TRMT9B: variants seen among roughly 807,000 people sequenced by gnomAD.
The protein encoded by TRMT9B is probable tRNA methyltransferase 9B.
In TRMT9B, 16 loss-of-function variants were observed where a neutral mutation model predicts 11.5. That is an observed-to-expected ratio of 1.39 (90% CI 0.94 to 2.11). The LOEUF is 2.11. Ranked by LOEUF, TRMT9B falls within the 30% of genes most tolerant of loss-of-function variation. TRMT9B has a pLI of 0.00. For missense variants in TRMT9B, 941 were observed against 553.8 expected (o/e 1.70, Z -7.02); for synonymous variants, 274 against 192.4 (o/e 1.42, Z -3.51).
intron 3 of TRMT9B, among the ~76,000 whole-genome samples, chr8:13,007,950 G>A (rs530919818): frequency 1.2e-4 from 19 of 152,248 alleles, no homozygotes; most frequent in South Asian, 8.3e-4. Flanking sequence ...AAAAGAAATC[G>A]TAAAAGAATA....
chr8:13,012,774 A>G lies in TRMT9B; in HGVS notation c.245A>G (p.Asn82Ser), dbSNP rs369005079. The G allele has an allele frequency of 1.0e-4, 163 of 1,613,854 alleles. No individual in the cohort carries two copies. Among genetic ancestry groups the G allele is most frequent in the Non-Finnish European group, 1.3e-4 (155 of 1,179,890 alleles). The change falls in exon 4 of 5, where the codon AAT becomes AGT. Residue 82 changes from asparagine to serine, a missense_variant. Coordinates refer to ENST00000524591, the MANE Select transcript of TRMT9B (RefSeq NM_020844.3). ...GGGCCACTGGTAGAGATTGCCCGGA[A>G]TAGAGGATGTGAAGCCATGGTATGT... ...YCGPLVEIAR[N>S]RGCEAMVCDN...
intron 1 of TRMT9B, among the ~76,000 whole-genome samples, chr8:12,947,776 T>C (rs1229085239): frequency 6.6e-6 from 1 of 152,258 alleles, no homozygotes. Flanking sequence ...TGGAGAAATT[T>C]CATGCTTTGC....
chr8:12,980,946 G>C (rs1026879702), intron 1 of TRMT9B, among the ~76,000 whole-genome samples: 1 of 151,714 alleles, frequency 6.6e-6, no homozygotes, highest in Non-Finnish European at 1.5e-5. Flanking sequence ...TTGTTTGTTT[G>C]TGTTTCTTTG....
At chr8:13,018,112 A>AC (rs1266155346) in intron 4 of TRMT9B, among the ~76,000 whole-genome samples, 1 of 151,004 alleles carries the variant, frequency 6.6e-6, no homozygotes, top group Non-Finnish European at 1.5e-5. Flanking sequence ...AAAAAAAAAA[A>AC]AAAACTTGGC....
Position 13,026,808 on chromosome 8 carries a change from C to G in TRMT9B, c.*4764C>G, listed in dbSNP as rs368453934. ...ACACCATATACTCCCACCCCTGGGC[C>G]CAGCTCATGTGCTTGGCGGAGTATT... is the stretch of plus-strand genomic sequence containing the variant. On this transcript the variant is annotated 3_prime_UTR_variant, in exon 5 of 5. Coordinates refer to ENST00000524591, the MANE Select transcript of TRMT9B (RefSeq NM_020844.3). 6.0e-6 allele frequency: 1 copy of G among 167,044 alleles called. No homozygotes were observed. The highest frequency in any genetic ancestry group is 2.4e-5 in the African/African-American group (1 of 41,452). 10.3% of individuals were successfully genotyped at this position (167,044 alleles called of 1,614,324 possible). A position where few individuals can be genotyped will look rare whatever the true frequency, so the allele number is the denominator to read the frequency against.
At chr8:12,998,137 A>C (rs919996006) in intron 2 of TRMT9B, among the ~76,000 whole-genome samples, 1 of 152,206 alleles carries the variant, frequency 6.6e-6, no homozygotes, top group African/African-American at 2.4e-5. Context: ...TATTCTGGAT[A>C]CTACTCAATT....
In TRMT9B at chr8:12,981,875, G is replaced by A. The variant is rs141766940; in HGVS notation, c.-199-8959G>A. Reference sequence around the variant, plus strand: ...CAGCCTCCCAAAGCCAGTGTTGGGAGGTGACAACGTTTTCATCAATCTGTA... The same window carrying A: ...CAGCCTCCCAAAGCCAGTGTTGGGAAGTGACAACGTTTTCATCAATCTGTA... On this transcript the variant is annotated intron_variant, in intron 1 of 4. Coordinates refer to ENST00000524591, the MANE Select transcript of TRMT9B (RefSeq NM_020844.3). 1.2e-3 allele frequency among the ~76,000 whole-genome samples: 189 copies of A among 152,116 alleles called. 3 individuals are homozygous for A. The East Asian group carries it at 0.022, about 18-fold the overall frequency.
chr8:12,951,856 G>A (rs1424907874), intron 1 of TRMT9B: 4 of 151,912 alleles, frequency 2.6e-5, no homozygotes, highest in African/African-American at 9.6e-5. Context: ...GCCGCGGCGG[G>A]AAGAAGGGCT....
chr8:12,993,281 T>C (rs1014086516), intron 2 of TRMT9B, among the ~76,000 whole-genome samples: 4 of 152,138 alleles, frequency 2.6e-5, no homozygotes, highest in African/African-American at 9.7e-5. Flanking sequence ...TGAGGTTGTA[T>C]AGAAAAATTA....
rs1448398554 is a variant in TRMT9B at position 13,028,047 on chromosome 8, G to A, written c.*6003G>A. ...CAGCATGAGAGCACAATCAGAAACT[G>A]AAGAGAGTTGATCAAAGAGAAGATT... On this transcript the variant is annotated 3_prime_UTR_variant, in exon 5 of 5. Transcript: ENST00000524591. 6.0e-6 allele frequency: 1 copy of A among 166,998 alleles called. No individual in the cohort carries two copies. The highest frequency in any genetic ancestry group is 2.4e-5 in the African/African-American group (1 of 41,452). The allele number at this position is 166,998 out of a possible 1,614,324, so 10.3% of individuals were successfully genotyped here.
In TRMT9B at chr8:13,012,729, C is replaced by T. The variant is rs1354901716; in HGVS notation, c.200C>T (p.Thr67Ile). The T allele has an allele frequency of 3.1e-6, 5 of 1,613,830 alleles. No individual in the cohort carries two copies. The highest frequency in any genetic ancestry group is 4.2e-6 in the Non-Finnish European group (5 of 1,179,878). ...KYLKVNSQVH[T>I]VGCDYCGPLV... is the part of the protein sequence containing the mutation. ...CTTAAAGTGAACAGCCAGGTACATA[C>T]CGTGGGCTGTGACTACTGTGGGCCA... Residue 67 changes from threonine to isoleucine, a missense_variant, in exon 4 of 5, where the codon ACC becomes ATC. Coordinates refer to ENST00000524591, the MANE Select transcript of TRMT9B (RefSeq NM_020844.3).
rs75981863 is a variant in TRMT9B, at chr8:13,013,992, T to C, written c.328+1135T>C. On this transcript the variant is annotated intron_variant, in intron 4 of 4. Transcript: ENST00000524591. ...AAAACTATTTGATTAATAAGTTTTATCCAAGAAAGATGATCTTTTATAAAA... is the reference window on the plus strand; with the variant it reads ...AAAACTATTTGATTAATAAGTTTTACCCAAGAAAGATGATCTTTTATAAAA... Among the ~76,000 whole-genome samples the C allele has an allele frequency of 1.9e-3, 286 of 152,296 alleles. 3 individuals are homozygous for C. The East Asian group carries it at 0.021, about 11-fold the overall frequency.
At chr8:13,011,228 C>T (rs750010093) in intron 3 of TRMT9B, 186 of 828,420 alleles carry the variant, frequency 2.2e-4, no homozygotes, top group East Asian at 5.0e-4. Flanking sequence ...TCAAGTGATC[C>T]GCCCACCACA....
At chr8:12,965,121 G>A (rs17178729) in intron 1 of TRMT9B, among the ~76,000 whole-genome samples, 7,704 of 152,268 alleles carry the variant, frequency 0.051, 243 homozygotes, top group South Asian at 0.1. Flanking sequence ...TGCAAATGAG[G>A]CCATTCTTTC....
intron 1 of TRMT9B, among the ~76,000 whole-genome samples, chr8:12,948,774 C>G (rs1800391305): frequency 6.6e-6 from 1 of 152,066 alleles, no homozygotes; most frequent in African/African-American, 2.4e-5. Context: ...TTCTGGCTAA[C>G]ACGGTGAAAC....
At chr8:12,966,665 G>A (rs569799997) in intron 1 of TRMT9B, among the ~76,000 whole-genome samples, 1 of 152,236 alleles carries the variant, frequency 6.6e-6, no homozygotes, top group African/African-American at 2.4e-5. Context: ...GGACTTCTTT[G>A]ATTAATACAG....
chr8:13,012,289 A>G, intron 3 of TRMT9B: 1 of 987,702 alleles, frequency 1.0e-6, no homozygotes, highest in Non-Finnish European at 1.2e-6. Flanking sequence ...AAAAAAAAAA[A>G]AAGTTGGCCA....
At chr8:12,960,626 A>G (rs1238656780) in intron 1 of TRMT9B, 2 of 152,238 alleles carry the variant, frequency 1.3e-5, no homozygotes, top group African/African-American at 4.8e-5. Flanking sequence ...TTATTTAGTG[A>G]TTAAAAAGAA....
At chr8:12,955,329 G>A (rs1801154387) in intron 1 of TRMT9B, among the ~76,000 whole-genome samples, 1 of 152,176 alleles carries the variant, frequency 6.6e-6, no homozygotes, top group Non-Finnish European at 1.5e-5. Context: ...AGATGATGAT[G>A]AGGTGGTAGG....
Sources: gnomAD v4.1 joint callset for allele counts (sites outside exome capture counted in the v4.1 genomes callset) on GRCh38, gnomAD v4.1.1 for gene constraint, MANE v1.5 for transcripts, NCBI Gene and HGNC (gene_info 2026-07-23, HGNC 2026-07-21) for gene names.